The following RALYL variants were observed in gnomAD, a reference collection of about 807,000 sequenced individuals.
RALYL encodes the protein RNA-binding Raly-like protein.
A neutral mutation model predicts 35.1 loss-of-function variants in RALYL; 29 were observed. That is an observed-to-expected ratio of 0.83 (90% CI 0.61 to 1.13). The LOEUF is 1.13. Ranked by LOEUF, RALYL falls within the 50% of genes most tolerant of loss-of-function variation. RALYL has a pLI of 0.00. For missense variants in RALYL, 359 were observed against 360.4 expected, an observed-to-expected ratio of 1.00 and a Z score of 0.03; for synonymous variants, 120 against 127.6, an observed-to-expected ratio of 0.94 and a Z score of 0.40.
chr8:84,474,862 T>G, intron 1 of RALYL, among the ~76,000 whole-genome samples: 1 of 151,580 alleles, frequency 6.6e-6, no homozygotes, highest in Non-Finnish European at 1.5e-5. Flanking sequence ...GTAACTGCAA[T>G]TCCCCACCCC....
chr8:84,364,565 G>C (rs1296772278), intron 1 of RALYL, among the ~76,000 whole-genome samples: 1 of 151,996 alleles, frequency 6.6e-6, no homozygotes, highest in Admixed American at 6.6e-5. Context: ...AACATGAAAA[G>C]TATGACCATG....
chr8:84,547,724 A>AT (rs1184192108), intron 2 of RALYL, among the ~76,000 whole-genome samples: 1 of 152,090 alleles, frequency 6.6e-6, no homozygotes, highest in Non-Finnish European at 1.5e-5. Context: ...ATTGTCATTA[A>AT]TTTATTGTAT....
At chr8:84,654,508 T>C (rs973845326) in intron 2 of RALYL, among the ~76,000 whole-genome samples, 5 of 151,856 alleles carry the variant, frequency 3.3e-5, no homozygotes, top group African/African-American at 9.7e-5. Flanking sequence ...CATCCTGTTG[T>C]GTTACCAAAT....
intron 2 of RALYL, among the ~76,000 whole-genome samples, chr8:84,609,381 G>A (rs1331513851): frequency 6.6e-6 from 1 of 152,074 alleles, no homozygotes; most frequent in South Asian, 2.1e-4. Context: ...AATTATATAC[G>A]TGAAAGTATT....
intron 2 of RALYL, among the ~76,000 whole-genome samples, chr8:84,692,398 A>G (rs992011333): frequency 2.6e-5 from 4 of 151,990 alleles, no homozygotes; most frequent in African/African-American, 9.7e-5. Context: ...GCAATCAAAC[A>G]TAGAATATGA....
intron 1 of RALYL, among the ~76,000 whole-genome samples, chr8:84,254,847 A>C (rs957147396): frequency 1.3e-5 from 2 of 151,846 alleles, no homozygotes; most frequent in Non-Finnish European, 2.9e-5. Flanking sequence ...GGAACAAGGG[A>C]CCTTCTTCAC....
At chr8:84,567,665 C>T (rs527422316) in intron 2 of RALYL, among the ~76,000 whole-genome samples, 84 of 150,920 alleles carry the variant, frequency 5.6e-4, no homozygotes, top group African/African-American at 1.9e-3. Context: ...GATAAATATA[C>T]GAGTGAACGT....
At chr8:84,736,438 G>A (rs986613529) in intron 2 of RALYL, among the ~76,000 whole-genome samples, 1 of 152,088 alleles carries the variant, frequency 6.6e-6, no homozygotes, top group Non-Finnish European at 1.5e-5. Flanking sequence ...AGTGGTACCT[G>A]TGTGTTATAG....
intron 4 of RALYL, among the ~76,000 whole-genome samples, chr8:84,805,036 C>A (rs1397130375): frequency 6.6e-6 from 1 of 152,094 alleles, no homozygotes; most frequent in Non-Finnish European, 1.5e-5. Flanking sequence ...TCCATAAAGG[C>A]TAAACAAGGT....
At chr8:84,375,139 G>C (rs1021791745) in intron 1 of RALYL, among the ~76,000 whole-genome samples, 6 of 151,866 alleles carry the variant, frequency 4.0e-5, no homozygotes, top group Non-Finnish European at 8.8e-5. Context: ...AGTAAATGGG[G>C]CAGCCATCAC....
intron 3 of RALYL, among the ~76,000 whole-genome samples, chr8:84,797,874 G>A (rs996837894): frequency 6.6e-6 from 1 of 152,116 alleles, no homozygotes; most frequent in African/African-American, 2.4e-5. Context: ...CTACAGAACA[G>A]ATTGAAAGCC....
intron 1 of RALYL, among the ~76,000 whole-genome samples, chr8:84,475,054 TC>T (rs1357263879): frequency 6.6e-6 from 1 of 151,600 alleles, no homozygotes; most frequent in African/African-American, 2.4e-5. Flanking sequence ...ATGCTATCCC[TC>T]CCCCAGCCCC....
chr8:84,191,271 TA>T, intron 1 of RALYL, among the ~76,000 whole-genome samples: 1 of 152,022 alleles, frequency 6.6e-6, no homozygotes, highest in Non-Finnish European at 1.5e-5. Context: ...TGAAACTAGC[TA>T]AATTGATTTG....
chr8:84,679,459 G>A (rs1452264747), intron 2 of RALYL: 2 of 315,700 alleles, frequency 6.3e-6, no homozygotes, highest in Non-Finnish European at 1.3e-5. Context: ...TCTGTGCTTA[G>A]GTGGTTGCTA....
At chr8:84,474,634 A>G (rs2053180251) in intron 1 of RALYL, among the ~76,000 whole-genome samples, 1 of 152,048 alleles carries the variant, frequency 6.6e-6, no homozygotes, top group Non-Finnish European at 1.5e-5. Flanking sequence ...TAATCTCTCA[A>G]GTTTTATCTT....
intron 7 of RALYL, among the ~76,000 whole-genome samples, chr8:84,882,334 A>T (rs1842298896): frequency 6.6e-6 from 1 of 152,030 alleles, no homozygotes; most frequent in Non-Finnish European, 1.5e-5. Flanking sequence ...GCACTGGAAG[A>T]CTTCACATTT....
rs909004902 is a variant in RALYL, at chr8:84,455,674, A to G, written c.-23-73625A>G. Among the ~76,000 whole-genome samples the G allele has an allele frequency of 5.9e-5, 9 of 152,044 alleles. No individual in the cohort carries two copies. The South Asian group carries it at 8.3e-4, about 14-fold the overall frequency. Reference sequence around the variant, plus strand: ...AATCAAATGGGCAAAGCTCTCTTACATGTATTTATTTTCTTAAACATTAAC... The same window carrying G: ...AATCAAATGGGCAAAGCTCTCTTACGTGTATTTATTTTCTTAAACATTAAC... On this transcript the variant is annotated intron_variant, in intron 1 of 8. Coordinates refer to ENST00000521268, the MANE Select transcript of RALYL (RefSeq NM_173848.7).
intron 4 of RALYL, among the ~76,000 whole-genome samples, chr8:84,846,475 G>A (rs779713015): frequency 2.0e-5 from 3 of 152,094 alleles, no homozygotes; most frequent in Non-Finnish European, 2.9e-5. Context: ...ACCTATTTTT[G>A]TGTATTATTT....
intron 2 of RALYL, among the ~76,000 whole-genome samples, chr8:84,707,865 G>T (rs1841491061): frequency 3.3e-5 from 5 of 152,042 alleles, no homozygotes; most frequent in African/African-American, 4.8e-5. Context: ...TGCGTAAACA[G>T]AAAAACTGGA....
Sources: allele counts gnomAD v4.1 joint callset (sites outside exome capture counted in the v4.1 genomes callset), GRCh38; gene constraint gnomAD v4.1.1; transcripts MANE v1.5; gene names NCBI Gene and HGNC (gene_info 2026-07-23, HGNC 2026-07-21).